The following BRD3OS variants were observed in gnomAD, a reference collection of about 807,000 sequenced individuals.
The protein encoded by BRD3OS is uncharacterized protein BRD3OS.
chr9:134,029,134 T>G lies in BRD3OS; in HGVS notation c.*2132T>G, dbSNP rs931275243. On this transcript the variant is annotated 3_prime_UTR_variant, in exon 3 of 3. Coordinates refer to ENST00000603928, the MANE Select transcript of BRD3OS (RefSeq NM_001355256.2). The stretch of plus-strand genomic sequence containing the variant: ...CCGCTAGGTAGGGTTTGTCTGCATC[T>G]TTTCAGTTCTTCAGTTTAAGTCCTG... 3.9e-5 allele frequency: 6 copies of G among 152,284 alleles called. No homozygotes were observed. Among genetic ancestry groups the G allele is most frequent in the Admixed American group, 3.3e-4 (5 of 15,288 alleles). 9.4% of individuals were successfully genotyped at this position (152,284 alleles called of 1,614,324 possible). A position where few individuals can be genotyped will look rare whatever the true frequency, so the allele number is the denominator to read the frequency against.
rs965399730 is a variant in BRD3OS, at chr9:134,026,898, A to G, written c.151A>G (p.Met51Val). Residue 51 changes from methionine to valine, a missense_variant, in exon 3 of 3, where the codon ATG (methionine) becomes GTG (valine). Coordinates refer to ENST00000603928, the MANE Select transcript of BRD3OS (RefSeq NM_001355256.2). The surrounding 1 kb of genome is among the most constrained non-coding windows in gnomAD (Gnocchi z 4.4). Reference sequence around the variant, plus strand: ...GACGTACCTGAGCAGGAGCCGAAGCATGTGGTACTCACAGTATGGAAATGA... The same window carrying G: ...GACGTACCTGAGCAGGAGCCGAAGCGTGTGGTACTCACAGTATGGAAATGA... Reference protein sequence around the residue: ...PGTYLSRSRSMWYSQYGNEAI... With the variant: ...PGTYLSRSRSVWYSQYGNEAI... 5 of 398,900 alleles carry G rather than the reference A, an allele frequency of 1.3e-5. No individual in the cohort carries two copies. The highest frequency in any genetic ancestry group is 2.2e-5 in the Non-Finnish European group (5 of 226,084). 24.7% of individuals were successfully genotyped at this position (398,900 alleles called of 1,614,324 possible).
rs1230336523 is a variant in BRD3OS at position 134,026,616 on chromosome 9, C to G, written c.-132C>G. The G allele has an allele frequency of 2.5e-6, 1 of 396,300 alleles. No individual in the cohort carries two copies. Among genetic ancestry groups the G allele is most frequent in the Admixed American group, 4.4e-5 (1 of 22,690 alleles). The allele number at this position is 396,300 out of a possible 1,614,324, so 24.5% of individuals were successfully genotyped here. A position where few individuals can be genotyped will look rare whatever the true frequency, so the allele number is the denominator to read the frequency against. ...ACGTTGCCTGCAAATGGGCGGAATT[C>G]CTAATTTCTACCATTCAGTTAAACG... On this transcript the variant is annotated 5_prime_UTR_variant, in exon 3 of 3. Coordinates refer to ENST00000603928, the MANE Select transcript of BRD3OS (RefSeq NM_001355256.2). This position sits in a 1 kb window ranked among gnomAD's most constrained non-coding sequence, Gnocchi z 4.4.
rs1281167366 is a variant in BRD3OS at position 134,030,926 on chromosome 9, A to C, written c.*3924A>C. The C allele has an allele frequency of 8.6e-6, 2 of 231,590 alleles. No homozygotes were observed. The highest frequency in any genetic ancestry group is 1.7e-5 in the Non-Finnish European group (2 of 117,060). 14.3% of individuals were successfully genotyped at this position (231,590 alleles called of 1,614,324 possible). ...AAAAAAGCATGTTAGAAGCTGCCCT[A>C]CAGGTCTCAGCAGTGGGACAATCTA... On this transcript the variant is annotated 3_prime_UTR_variant, in exon 3 of 3. Transcript: ENST00000603928.
In BRD3OS at chr9:134,030,253, G is replaced by A. The variant is rs907544860; in HGVS notation, c.*3251G>A. 1 of 158,582 alleles carries A rather than the reference G, an allele frequency of 6.3e-6. No individual in the cohort carries two copies. The highest frequency in any genetic ancestry group is 2.4e-5 in the African/African-American group (1 of 41,060). 9.8% of individuals were successfully genotyped at this position (158,582 alleles called of 1,614,324 possible). ...AGACATTTCCAGGCTCCAGGAGAGA[G>A]GCTGGGAGCCCCCACAGAAAGCACA... On this transcript the variant is annotated 3_prime_UTR_variant, in exon 3 of 3. Coordinates refer to ENST00000603928, the MANE Select transcript of BRD3OS (RefSeq NM_001355256.2).
At position 134,028,481 on chromosome 9, in the gene BRD3OS, TG is replaced by T. The variant is rs1487971807; in HGVS notation, c.*1482del. 6.6e-6 allele frequency: 1 copy of T among 152,258 alleles called. No homozygotes were observed. Among genetic ancestry groups the T allele is most frequent in the African/African-American group, 2.4e-5 (1 of 41,450 alleles). The allele number at this position is 152,258 out of a possible 1,614,324, so 9.4% of individuals were successfully genotyped here. A position where few individuals can be genotyped will look rare whatever the true frequency, so the allele number is the denominator to read the frequency against. On this transcript the variant is annotated 3_prime_UTR_variant, in exon 3 of 3. Coordinates refer to ENST00000603928, the MANE Select transcript of BRD3OS (RefSeq NM_001355256.2). ...TCAGCTCACTGCAACCTCTGCCTCC[TG>T]GGTTCAGGCGATTCTCCTGCCTCAG... is the stretch of plus-strand genomic sequence containing the variant.
Position 134,031,374 on chromosome 9 carries a change from C to G in BRD3OS, c.*4372C>G. On this transcript the variant is annotated 3_prime_UTR_variant, in exon 3 of 3. Transcript: ENST00000603928. ...CCCCCGGCTTAGGGTGTACGTATCA[C>G]CCAGCCCTGTGCTGGCAGCACGTTA... 4.8e-6 allele frequency: 1 copy of G among 208,444 alleles called. No homozygotes were observed. The highest frequency in any genetic ancestry group is 5.9e-5 in the Admixed American group (1 of 16,864). 12.9% of individuals were successfully genotyped at this position (208,444 alleles called of 1,614,324 possible). A position where few individuals can be genotyped will look rare whatever the true frequency, so the allele number is the denominator to read the frequency against.
At chr9:134,025,732 A>T (rs1014957836) in intron 1 of BRD3OS, 113 bp from the exon 2 acceptor site, 2 of 152,236 alleles carry the variant, frequency 1.3e-5, no homozygotes, top group African/African-American at 4.8e-5. Context: ...GACCTAGCGC[A>T]GGCATCCCAG....
In BRD3OS at chr9:134,030,304, CTTTTTTTT is replaced by C. The variant is rs60558736; in HGVS notation, c.*3316_*3323del. 0.014 allele frequency: 1,128 copies of C among 78,174 alleles called. 19 individuals carry two copies. The highest frequency in any genetic ancestry group is 0.057 in the African/African-American group (1,057 of 18,590). The allele number at this position is 78,174 out of a possible 1,614,324, so 4.8% of individuals were successfully genotyped here. A position where few individuals can be genotyped will look rare whatever the true frequency, so the allele number is the denominator to read the frequency against. On this transcript the variant is annotated 3_prime_UTR_variant, in exon 3 of 3. Transcript: ENST00000603928. Reference sequence around the variant, plus strand: ...GGAAAATGCAAAAAAAAAAAACAGTCTTTTTTTTTTTTTTTTTTTTTGCTTTTTATTAT... The same window carrying C: ...GGAAAATGCAAAAAAAAAAAACAGTCTTTTTTTTTTTTTGCTTTTTATTAT...
At position 134,026,905 on chromosome 9, in the gene BRD3OS, A is replaced by G; in HGVS notation, c.158A>G (p.Tyr53Cys). Residue 53 changes from tyrosine to cysteine, a missense_variant, in exon 3 of 3, where the codon TAC becomes TGC. Transcript: ENST00000603928. This position sits in a 1 kb window ranked among gnomAD's most constrained non-coding sequence, Gnocchi z 4.4. ...CTGAGCAGGAGCCGAAGCATGTGGTACTCACAGTATGGAAATGAGGCCATC... is the reference window on the plus strand; with the variant it reads ...CTGAGCAGGAGCCGAAGCATGTGGTGCTCACAGTATGGAAATGAGGCCATC... ...TYLSRSRSMW[Y>C]SQYGNEAILV... is the part of the protein sequence containing the mutation. 1 of 398,968 alleles carries G rather than the reference A, an allele frequency of 2.5e-6. No homozygotes were observed. The highest frequency in any genetic ancestry group is 4.4e-6 in the Non-Finnish European group (1 of 226,066). The allele number at this position is 398,968 out of a possible 1,614,324, so 24.7% of individuals were successfully genotyped here. A position where few individuals can be genotyped will look rare whatever the true frequency, so the allele number is the denominator to read the frequency against.
In BRD3OS at chr9:134,028,392, T is replaced by A. The variant is rs2132359490; in HGVS notation, c.*1390T>A. 6.6e-6 allele frequency: 1 copy of A among 152,284 alleles called. No homozygotes were observed. The highest frequency in any genetic ancestry group is 2.1e-4 in the South Asian group (1 of 4,820). 9.4% of individuals were successfully genotyped at this position (152,284 alleles called of 1,614,324 possible). ...CTGTACAGACTGGGCATTCACTTAA[T>A]GCTTTTCTTTTTTTTTAAGAGAGTC... On this transcript the variant is annotated 3_prime_UTR_variant, in exon 3 of 3. Coordinates refer to ENST00000603928, the MANE Select transcript of BRD3OS (RefSeq NM_001355256.2).
Position 134,030,304 on chromosome 9 carries a change from C to CTTTTTTTTTTTTTT in BRD3OS, c.*3310_*3323dup, listed in dbSNP as rs60558736. On this transcript the variant is annotated 3_prime_UTR_variant, in exon 3 of 3. Transcript: ENST00000603928. ...GGAAAATGCAAAAAAAAAAAACAGT[C>CTTTTTTTTTTTTTT]TTTTTTTTTTTTTTTTTTTTTGCTT... The CTTTTTTTTTTTTTT allele has an allele frequency of 7.7e-5, 6 of 78,090 alleles. No homozygotes were observed. Among genetic ancestry groups the CTTTTTTTTTTTTTT allele is most frequent in the African/African-American group, 1.1e-4 (2 of 18,508 alleles). 4.8% of individuals were successfully genotyped at this position (78,090 alleles called of 1,614,324 possible).
At position 134,027,154 on chromosome 9, in the gene BRD3OS, G is replaced by C. The variant is rs1314642557; in HGVS notation, c.*152G>C. 2.6e-6 allele frequency: 1 copy of C among 391,052 alleles called. No homozygotes were observed. The highest frequency in any genetic ancestry group is 4.5e-6 in the Non-Finnish European group (1 of 221,762). The allele number at this position is 391,052 out of a possible 1,614,324, so 24.2% of individuals were successfully genotyped here. On this transcript the variant is annotated 3_prime_UTR_variant, in exon 3 of 3. Transcript: ENST00000603928. ...GTGGTGTAAGAACCCAAGAAGCGCAGAATTGGCCCCCGAACCCCTCAGCAC... is the reference window on the plus strand; with the variant it reads ...GTGGTGTAAGAACCCAAGAAGCGCACAATTGGCCCCCGAACCCCTCAGCAC...
rs923458370 is a variant in BRD3OS, at chr9:134,026,733, G to A, written c.-15G>A. On this transcript the variant is annotated 5_prime_UTR_variant, in exon 3 of 3. Coordinates refer to ENST00000603928, the MANE Select transcript of BRD3OS (RefSeq NM_001355256.2). The surrounding 1 kb of genome is among the most constrained non-coding windows in gnomAD (Gnocchi z 4.4). ...ACAGCAGGGTTCCCAGGAGTCCAGC[G>A]GGACGGGGGAGGGGATGAGTGGCCG... The A allele has an allele frequency of 7.5e-6, 3 of 398,696 alleles. No homozygotes were observed. Among genetic ancestry groups the A allele is most frequent in the Admixed American group, 4.4e-5 (1 of 22,706 alleles). 24.7% of individuals were successfully genotyped at this position (398,696 alleles called of 1,614,324 possible).
chr9:134,027,184 G>A lies in BRD3OS; in HGVS notation c.*182G>A. 2.7e-6 allele frequency: 1 copy of A among 376,354 alleles called. No individual in the cohort carries two copies. The highest frequency in any genetic ancestry group is 3.8e-5 in the East Asian group (1 of 26,472). The allele number at this position is 376,354 out of a possible 1,614,324, so 23.3% of individuals were successfully genotyped here. On this transcript the variant is annotated 3_prime_UTR_variant, in exon 3 of 3. Transcript: ENST00000603928. ...GGCCCCCGAACCCCTCAGCACAGCC[G>A]CGGTGTGACTGGTGCACAGGACACT...
In BRD3OS at chr9:134,030,542, A is replaced by G. The variant is rs891783750; in HGVS notation, c.*3540A>G. The G allele has an allele frequency of 4.7e-6, 1 of 213,262 alleles. No homozygotes were observed. Among genetic ancestry groups the G allele is most frequent in the African/African-American group, 2.3e-5 (1 of 44,194 alleles). 13.2% of individuals were successfully genotyped at this position (213,262 alleles called of 1,614,324 possible). A position where few individuals can be genotyped will look rare whatever the true frequency, so the allele number is the denominator to read the frequency against. ...AAAAGTTTAAGAAAAGTTACGGTAA[A>G]CTTGCATGCACATCATACAGAAAAG... is the stretch of plus-strand genomic sequence containing the variant. On this transcript the variant is annotated 3_prime_UTR_variant, in exon 3 of 3. Coordinates refer to ENST00000603928, the MANE Select transcript of BRD3OS (RefSeq NM_001355256.2).
rs573381421 is a variant in BRD3OS at position 134,031,099 on chromosome 9, T to A, written c.*4097T>A. 4.4e-6 allele frequency: 1 copy of A among 229,628 alleles called. No individual in the cohort carries two copies. Among genetic ancestry groups the A allele is most frequent in the Admixed American group, 5.7e-5 (1 of 17,658 alleles). The allele number at this position is 229,628 out of a possible 1,614,324, so 14.2% of individuals were successfully genotyped here. ...GTCTGGACAGAAAGCCTTAAAAAAG[T>A]GACAGCACCAATGCAGCTGCTCAGT... On this transcript the variant is annotated 3_prime_UTR_variant, in exon 3 of 3. Coordinates refer to ENST00000603928, the MANE Select transcript of BRD3OS (RefSeq NM_001355256.2).
In BRD3OS at chr9:134,030,620, T is replaced by A. The variant is rs745379292; in HGVS notation, c.*3618T>A. ...CTTCCTGGAAGCATTATGCCAGTAT[T>A]AAGGAACAGTGCTACTCTGGATGTG... On this transcript the variant is annotated 3_prime_UTR_variant, in exon 3 of 3. Transcript: ENST00000603928. 3 of 227,242 alleles carry A rather than the reference T, an allele frequency of 1.3e-5. No homozygotes were observed. Among genetic ancestry groups the A allele is most frequent in the Non-Finnish European group, 2.6e-5 (3 of 114,400 alleles). The allele number at this position is 227,242 out of a possible 1,614,324, so 14.1% of individuals were successfully genotyped here.
In BRD3OS at chr9:134,026,999, G is replaced by A. The variant is rs1175414753; in HGVS notation, c.252G>A (p.Met84Ile). The change falls in exon 3 of 3, where the codon ATG becomes ATA. Residue 84 changes from methionine (M) to isoleucine (I), a missense_variant. Coordinates refer to ENST00000603928, the MANE Select transcript of BRD3OS (RefSeq NM_001355256.2). This position sits in a 1 kb window ranked among gnomAD's most constrained non-coding sequence, Gnocchi z 4.4. ...GGCAGTCCAAGTTTTGCACAATTAT[G>A]TAATTCCGATGTGAGCACCTGAACC... ...DTGQSKFCTI[M>I] 2.5e-6 allele frequency: 1 copy of A among 398,778 alleles called. No homozygotes were observed. The highest frequency in any genetic ancestry group is 2.1e-5 in the African/African-American group (1 of 48,644). The allele number at this position is 398,778 out of a possible 1,614,324, so 24.7% of individuals were successfully genotyped here. A position where few individuals can be genotyped will look rare whatever the true frequency, so the allele number is the denominator to read the frequency against.
In BRD3OS at chr9:134,027,010, G is replaced by T. The variant is rs753530973; in HGVS notation, c.*8G>T. The T allele has an allele frequency of 1.8e-5, 7 of 398,756 alleles. No individual in the cohort carries two copies. The highest frequency in any genetic ancestry group is 3.1e-5 in the Non-Finnish European group (7 of 226,072). The allele number at this position is 398,756 out of a possible 1,614,324, so 24.7% of individuals were successfully genotyped here. A position where few individuals can be genotyped will look rare whatever the true frequency, so the allele number is the denominator to read the frequency against. On this transcript the variant is annotated 3_prime_UTR_variant, in exon 3 of 3. Coordinates refer to ENST00000603928, the MANE Select transcript of BRD3OS (RefSeq NM_001355256.2). The stretch of plus-strand genomic sequence containing the variant: ...TTTTGCACAATTATGTAATTCCGAT[G>T]TGAGCACCTGAACCCAGGACCACAC...
Sources: allele counts gnomAD v4.1 joint callset, GRCh38; gene constraint gnomAD v4.1.1; non-coding constraint Gnocchi (gnomAD v3.1); transcripts MANE v1.5; gene names NCBI Gene and HGNC (gene_info 2026-07-23, HGNC 2026-07-21).